Variants in ANO3 observed in about 807,000 individuals in gnomAD.
ANO3 encodes the protein anoctamin-3.
A neutral mutation model predicts 144.8 loss-of-function variants in ANO3; 99 were observed. That is an observed-to-expected ratio of 0.68 (90% CI 0.58 to 0.81). The LOEUF (loss-of-function observed/expected upper bound fraction) is 0.81. Among genes scored for constraint, ANO3 ranks in the 30% least tolerant of loss-of-function variants. The pLI, the probability that ANO3 is intolerant of heterozygous loss-of-function variation, is 0.00. For missense variants in ANO3, 905 were observed against 1,202.2 expected (o/e 0.75, Z 3.66); for synonymous variants, 414 against 392.6 (o/e 1.05, Z -0.64).
chr11:26,289,552 G>A lies in ANO3; in HGVS notation c.155-20093G>A, dbSNP rs530528053. Among the ~76,000 whole-genome samples, 67 of 117,660 alleles carry A rather than the reference G, an allele frequency of 5.7e-4. 3 individuals are homozygous for A. Among genetic ancestry groups the A allele is most frequent in the African/African-American group, 2.3e-3 (49 of 21,272 alleles). 77.2% of individuals were successfully genotyped at this position (117,660 alleles called of 152,430 possible). A position where few individuals can be genotyped will look rare whatever the true frequency, so the allele number is the denominator to read the frequency against. On this transcript the variant is annotated intron_variant, in intron 1 of 27. Transcript: ENST00000672621. Reference sequence around the variant, plus strand: ...TATATAGAATATATATATTCTATATGTGTGTATATGTACATATACACATAT... The same window carrying A: ...TATATAGAATATATATATTCTATATATGTGTATATGTACATATACACATAT...
At chr11:26,570,990 AAAGAAAAGACTGGCTTTCTTTC>A (rs1274902413) in intron 14 of ANO3, among the ~76,000 whole-genome samples, 1 of 152,106 alleles carries the variant, frequency 6.6e-6, no homozygotes, top group African/African-American at 2.4e-5. Context: ...AAAAAATAAA[AAAGAAAAGACTGGCTTTCTTTC>A]AAGAAAAAAA....
At chr11:26,490,593 T>A (rs1161097801) in intron 4 of ANO3, among the ~76,000 whole-genome samples, 1 of 152,218 alleles carries the variant, frequency 6.6e-6, no homozygotes, top group African/African-American at 2.4e-5. Flanking sequence ...ATATTCCACG[T>A]ATCTGAAATA....
At chr11:26,321,941 T>TTTTCATTACTCCAGCAA (rs1243769860) in intron 1 of ANO3, among the ~76,000 whole-genome samples, 50 of 152,104 alleles carry the variant, frequency 3.3e-4, no homozygotes, top group Admixed American at 2.6e-3. Flanking sequence ...TTCTTCTTGC[T>TTTTCATTACTCCAGCAA]TTTCACAGCA....
intron 1 of ANO3, among the ~76,000 whole-genome samples, chr11:26,337,593 T>TA (rs565565078): frequency 6.6e-6 from 1 of 152,170 alleles, no homozygotes; most frequent in African/African-American, 2.4e-5. Flanking sequence ...CTCAAACCCT[T>TA]AAAAAATCCA....
intron 1 of ANO3, among the ~76,000 whole-genome samples, chr11:26,216,755 T>C (rs539652829): frequency 2.6e-5 from 4 of 152,210 alleles, no homozygotes; most frequent in African/African-American, 9.6e-5. Context: ...AGAGTTCCTG[T>C]TGCTTTGCAC....
chr11:26,435,250 A>G (rs1269984038), intron 1 of ANO3, among the ~76,000 whole-genome samples: 1 of 152,304 alleles, frequency 6.6e-6, no homozygotes, highest in African/African-American at 2.4e-5. Flanking sequence ...TACAGGCCCC[A>G]ATCTCTTCTG....
At chr11:26,655,683 C>T (rs753371483) in intron 24 of ANO3, among the ~76,000 whole-genome samples, 2 of 151,816 alleles carry the variant, frequency 1.3e-5, no homozygotes, top group South Asian at 2.1e-4. Context: ...TATCAAGCAT[C>T]GATAATTTTT....
chr11:26,530,775 A>G (rs2134183277), intron 7 of ANO3, among the ~76,000 whole-genome samples: 2 of 152,252 alleles, frequency 1.3e-5, no homozygotes, highest in Middle Eastern at 6.8e-3. Context: ...AGGCTGAGGC[A>G]GGAGAATCGC....
chr11:26,507,515 A>G (rs294027), intron 4 of ANO3, among the ~76,000 whole-genome samples: 119,555 of 152,150 alleles, frequency 0.79, 47,160 homozygotes, highest in East Asian at 0.85. Context: ...AGAGCAAACA[A>G]CTTAGGGATT....
intron 9 of ANO3, among the ~76,000 whole-genome samples, chr11:26,536,056 A>G (rs368906738): frequency 9.2e-5 from 14 of 151,802 alleles, no homozygotes; most frequent in African/African-American, 2.4e-4. Flanking sequence ...GCGGTGGCTC[A>G]AGCCTGTAAT....
chr11:26,661,410 A>G lies in ANO3; in HGVS notation c.*966A>G, dbSNP rs537005774. ...CAGTACGTAGTATACATTGTGGTTT[A>G]TGCAGCTCTGACACCAGTTTTTGCT... On this transcript the variant is annotated 3_prime_UTR_variant, in exon 27 of 27. Coordinates refer to ENST00000256737, the MANE Select transcript of ANO3 (RefSeq NM_031418.4). The G allele has an allele frequency of 6.6e-6, 1 of 152,660 alleles. No individual in the cohort carries two copies. The highest frequency in any genetic ancestry group is 6.6e-5 in the Admixed American group (1 of 15,266). 9.5% of individuals were successfully genotyped at this position (152,660 alleles called of 1,614,324 possible). A position where few individuals can be genotyped will look rare whatever the true frequency, so the allele number is the denominator to read the frequency against.
intron 4 of ANO3, among the ~76,000 whole-genome samples, chr11:26,483,276 T>C (rs1376760974): frequency 6.6e-6 from 1 of 152,190 alleles, no homozygotes; most frequent in Non-Finnish European, 1.5e-5. Flanking sequence ...TTATGACTTT[T>C]GTAAGATGAC....
chr11:26,311,100 G>A (rs944877070), intron 1 of ANO3, among the ~76,000 whole-genome samples: 1 of 152,030 alleles, frequency 6.6e-6, no homozygotes, highest in African/African-American at 2.4e-5. Context: ...GGAGAAATGG[G>A]GAATCAATGA....
At chr11:26,300,083 G>A (rs905405684) in intron 1 of ANO3, among the ~76,000 whole-genome samples, 1 of 152,066 alleles carries the variant, frequency 6.6e-6, no homozygotes, top group African/African-American at 2.4e-5. Context: ...CCCTCATGTG[G>A]GGTTATTATC....
At chr11:26,381,697 A>G (rs756811713) in intron 1 of ANO3, among the ~76,000 whole-genome samples, 3 of 152,288 alleles carry the variant, frequency 2.0e-5, no homozygotes, top group Non-Finnish European at 2.9e-5. Context: ...CATTCTTGCC[A>G]TATCTCTACC....
intron 4 of ANO3, among the ~76,000 whole-genome samples, chr11:26,475,331 T>C (rs1233471141): frequency 6.6e-6 from 1 of 152,036 alleles, no homozygotes; most frequent in Non-Finnish European, 1.5e-5. Flanking sequence ...TCAGGTGTTT[T>C]GGATCCAATC....
intron 14 of ANO3, among the ~76,000 whole-genome samples, chr11:26,574,416 T>C (rs903310610): frequency 2.0e-5 from 3 of 152,222 alleles, no homozygotes; most frequent in African/African-American, 7.2e-5. Flanking sequence ...TTGATGCTGA[T>C]GTCACATGTA....
chr11:26,561,914 T>C (rs558013242), intron 14 of ANO3, among the ~76,000 whole-genome samples: 7 of 151,964 alleles, frequency 4.6e-5, no homozygotes, highest in Non-Finnish European at 1.0e-4. Context: ...ATCAGTAAAC[T>C]ATTCACTTAG....
chr11:26,522,869 A>ATT (rs148772534), intron 6 of ANO3, among the ~76,000 whole-genome samples: 4 of 152,136 alleles, frequency 2.6e-5, no homozygotes, highest in African/African-American at 9.7e-5. Context: ...GGGAAATCTC[A>ATT]TTTTTTTTAA....
Sources: allele counts gnomAD v4.1 joint callset (sites outside exome capture counted in the v4.1 genomes callset), GRCh38; gene constraint gnomAD v4.1.1; transcripts MANE v1.5; gene names NCBI Gene and HGNC (gene_info 2026-07-23, HGNC 2026-07-21).